GRB10: variants seen among roughly 807,000 people sequenced by gnomAD.
The protein encoded by GRB10 is growth factor receptor-bound protein 10.
Under a neutral mutation model 80.9 loss-of-function variants are expected in GRB10, and 20 were observed. The observed-to-expected ratio is 0.25, with a 90% confidence interval of 0.17 to 0.36. The LOEUF is 0.36. GRB10 is among the 10% of genes least tolerant of loss of function. GRB10 has a pLI of 1.00. For missense variants in GRB10, 548 were observed against 747.7 expected, an observed-to-expected ratio of 0.73 and a Z score of 3.12; for synonymous variants, 291 against 291.5, an observed-to-expected ratio of 1.00 and a Z score of 0.02.
chr7:50,784,197 G>A (rs1028999986), upstream of GRB10, among the ~76,000 whole-genome samples: 2 of 152,286 alleles, frequency 1.3e-5, no homozygotes, highest in South Asian at 2.1e-4. Flanking sequence ...AGTGAACATC[G>A]CAAGGCACAG....
At chr7:50,593,433 G>T (rs999168903) in intron 18 of GRB10, among the ~76,000 whole-genome samples, 7 of 152,118 alleles carry the variant, frequency 4.6e-5, no homozygotes, top group African/African-American at 1.2e-4. Context: ...CAGTTAACTT[G>T]TAAGTACCCA....
At chr7:50,611,527 G>T (rs905577469) in intron 13 of GRB10, among the ~76,000 whole-genome samples, 3 of 152,162 alleles carry the variant, frequency 2.0e-5, no homozygotes, top group African/African-American at 7.2e-5. Flanking sequence ...ATAAGGTTCT[G>T]GGAGAGAGAT....
chr7:50,643,565 C>T (rs117413799), intron 7 of GRB10, among the ~76,000 whole-genome samples: 2,343 of 152,262 alleles, frequency 0.015, 24 homozygotes, highest in Non-Finnish European at 0.023. Context: ...TATGAACAAT[C>T]GGGGAAACCT....
intron 3 of GRB10, among the ~76,000 whole-genome samples, chr7:50,744,062 G>C (rs530883114): frequency 1.3e-5 from 2 of 152,140 alleles, no homozygotes; most frequent in East Asian, 3.9e-4. Context: ...CGCATTCACC[G>C]AGAGTGGATA....
upstream of GRB10, chr7:50,783,040 C>T (rs1194430689): frequency 6.6e-6 from 1 of 152,594 alleles, no homozygotes; most frequent in East Asian, 1.9e-4. Flanking sequence ...CACAGCCCCC[C>T]CGCCTGATGG....
In GRB10 at chr7:50,782,599, T is replaced by G. The variant is rs1487018334; in HGVS notation, c.-502A>C. On this transcript the variant is annotated 5_prime_UTR_variant, in exon 1 of 19. Transcript: ENST00000401949. The surrounding 1 kb of genome is among the most constrained non-coding windows in gnomAD (Gnocchi z 6.6). ...CACGGCTCCGCCCCGGCCAGGGGCC[T>G]GCGGCGCAGAAAACCGACCCGGGGC... 1.3e-5 allele frequency: 2 copies of G among 150,902 alleles called. No homozygotes were observed. Among genetic ancestry groups the G allele is most frequent in the East Asian group, 3.9e-4 (2 of 5,118 alleles). The allele number at this position is 150,902 out of a possible 1,614,324, so 9.3% of individuals were successfully genotyped here.
chr7:50,753,076 C>G (rs1014465201), intron 3 of GRB10, among the ~76,000 whole-genome samples: 5 of 152,208 alleles, frequency 3.3e-5, no homozygotes, highest in Non-Finnish European at 7.3e-5. Context: ...GAGGGTTGCC[C>G]TGAGGCCCAG....
intron 4 of GRB10, among the ~76,000 whole-genome samples, chr7:50,720,877 C>A (rs1046141882): frequency 2.0e-5 from 3 of 151,968 alleles, no homozygotes; most frequent in Non-Finnish European, 2.9e-5. Flanking sequence ...GTCTAAAGCA[C>A]GATATTATCC....
At chr7:50,603,608 C>T (rs1186141503) in intron 17 of GRB10, among the ~76,000 whole-genome samples, 4 of 152,220 alleles carry the variant, frequency 2.6e-5, no homozygotes, top group African/African-American at 9.6e-5. Context: ...TTGTTTTAAG[C>T]CACTAAGGTT....
chr7:50,763,553 T>C (rs2076008156), intron 2 of GRB10, among the ~76,000 whole-genome samples: 1 of 152,138 alleles, frequency 6.6e-6, no homozygotes, highest in South Asian at 2.1e-4. Context: ...CACGCGTGCA[T>C]ACACACACAC....
At chr7:50,629,099 C>T (rs1452598249) in intron 7 of GRB10, among the ~76,000 whole-genome samples, 1 of 152,176 alleles carries the variant, frequency 6.6e-6, no homozygotes, top group Non-Finnish European at 1.5e-5. Flanking sequence ...AATCAGGGTT[C>T]CTAATGCTCT....
intron 2 of GRB10, among the ~76,000 whole-genome samples, chr7:50,770,594 T>C (rs186455541): frequency 1.7e-3 from 266 of 152,308 alleles, no homozygotes; most frequent in African/African-American, 6.2e-3. Context: ...TAAGATACGA[T>C]GTGTCCTTGT....
At chr7:50,771,507 G>A (rs1391459346) in intron 2 of GRB10, among the ~76,000 whole-genome samples, 2 of 152,174 alleles carry the variant, frequency 1.3e-5, no homozygotes, top group Admixed American at 1.3e-4. Context: ...CCAGTTCAAA[G>A]TACAGCCAGC....
At position 50,658,144 on chromosome 7, in the gene GRB10, G is replaced by A. The variant is rs527714546; in HGVS notation, c.504+11578C>T. ...GGACCTGCCACATGCGCCTATTGCA[G>A]GAGAAAAGAAAAGTCCCTCCGTGGC... is the stretch of plus-strand genomic sequence containing the variant. On this transcript the variant is annotated intron_variant, in intron 7 of 18. Transcript: ENST00000401949. 3.9e-5 allele frequency among the ~76,000 whole-genome samples: 6 copies of A among 152,306 alleles called. No individual in the cohort carries two copies. In the South Asian group the frequency reaches 1.2e-3, roughly 32 times the overall value.
chr7:50,630,395 G>C (rs1430242274), intron 7 of GRB10, among the ~76,000 whole-genome samples: 1 of 152,218 alleles, frequency 6.6e-6, no homozygotes, highest in Non-Finnish European at 1.5e-5. Context: ...CAGCCTCATA[G>C]TGTTGCTATG....
At chr7:50,770,445 G>A (rs907946072) in intron 2 of GRB10, among the ~76,000 whole-genome samples, 2 of 152,172 alleles carry the variant, frequency 1.3e-5, no homozygotes, top group African/African-American at 4.8e-5. Context: ...GCAGCCCCTG[G>A]CCTCCAAGGT....
At chr7:50,638,199 T>G (rs533826016) in intron 7 of GRB10, among the ~76,000 whole-genome samples, 2 of 152,196 alleles carry the variant, frequency 1.3e-5, no homozygotes, top group African/African-American at 4.8e-5. Context: ...GAAAAAACTT[T>G]TGGAGTTTGG....
At position 50,712,809 on chromosome 7, in the gene GRB10, C is replaced by T. The variant is rs941976919; in HGVS notation, c.52-8901G>A. ...AGGGGAGGAGTCTATCAATCATTTACATTTTAAACAGCTCTATTGAGATAT... is the reference window on the plus strand; with the variant it reads ...AGGGGAGGAGTCTATCAATCATTTATATTTTAAACAGCTCTATTGAGATAT... On this transcript the variant is annotated intron_variant, in intron 4 of 18. Transcript: ENST00000401949. Among the ~76,000 whole-genome samples, 8 of 152,360 alleles carry T rather than the reference C, an allele frequency of 5.3e-5. No individual in the cohort carries two copies. The East Asian group carries it at 1.2e-3, about 22-fold the overall frequency.
chr7:50,663,107 G>A (rs1421304295), intron 7 of GRB10, among the ~76,000 whole-genome samples: 2 of 152,220 alleles, frequency 1.3e-5, no homozygotes, highest in Non-Finnish European at 2.9e-5. Flanking sequence ...GGCCCAGGGT[G>A]CATCCTCAGA....
Sources: gnomAD v4.1 joint callset for allele counts (sites outside exome capture counted in the v4.1 genomes callset) on GRCh38, gnomAD v4.1.1 for gene constraint, Gnocchi (gnomAD v3.1) non-coding constraint, MANE v1.5 for transcripts, NCBI Gene and HGNC (gene_info 2026-07-23, HGNC 2026-07-21) for gene names.